TACR1: variants seen among roughly 807,000 people sequenced by gnomAD.
TACR1 encodes the protein tachykinin receptor 1, also known as substance-P receptor.
A neutral mutation model predicts 35.8 loss-of-function variants in TACR1; 25 were observed. The observed-to-expected ratio is 0.70, with a 90% CI of 0.51 to 0.98. TACR1 has a LOEUF of 0.98. TACR1 is among the 50% of genes least tolerant of loss of function. The probability of loss-of-function intolerance (pLI) is 0.00; values close to 1 mark genes in which losing one functional copy is unlikely to be tolerated. For synonymous variants in TACR1, 195 were observed against 206.7 expected, an observed-to-expected ratio of 0.94 and a Z score of 0.48; for missense variants, 478 against 522.9, an observed-to-expected ratio of 0.91 and a Z score of 0.84.
In TACR1 at chr2:75,049,195, C is replaced by T. The variant is rs1012601898; in HGVS notation, c.*237G>A. 3 of 504,826 alleles carry T rather than the reference C, an allele frequency of 5.9e-6. No homozygotes were observed. The highest frequency in any genetic ancestry group is 3.1e-5 in the East Asian group (1 of 32,212). The allele number at this position is 504,826 out of a possible 1,614,324, so 31.3% of individuals were successfully genotyped here. A position where few individuals can be genotyped will look rare whatever the true frequency, so the allele number is the denominator to read the frequency against. ...AAAGCTGGTCCGACCTTTTATTTTACAGGCTCAGCAAAGTTCAGTGATTTG... is the reference window on the plus strand; with the variant it reads ...AAAGCTGGTCCGACCTTTTATTTTATAGGCTCAGCAAAGTTCAGTGATTTG... On this transcript the variant is annotated 3_prime_UTR_variant, in exon 5 of 5. Coordinates refer to ENST00000305249, the MANE Select transcript of TACR1 (RefSeq NM_001058.4).
chr2:75,084,665 T>A (rs1248356983), intron 2 of TACR1, among the ~76,000 whole-genome samples: 1 of 152,200 alleles, frequency 6.6e-6, no homozygotes, highest in Non-Finnish European at 1.5e-5. Context: ...GGAGGGTGTA[T>A]GTGTCGAGGA....
rs202020333 is a variant in TACR1, at chr2:75,199,089, C to A, written c.-155G>T. 5.0e-5 allele frequency: 46 copies of A among 924,352 alleles called. No individual in the cohort carries two copies. The highest frequency in any genetic ancestry group is 6.5e-5 in the Non-Finnish European group (41 of 626,506). The allele number at this position is 924,352 out of a possible 1,614,324, so 57.3% of individuals were successfully genotyped here. A position where few individuals can be genotyped will look rare whatever the true frequency, so the allele number is the denominator to read the frequency against. ...GCACTCTTTTTGAAAGCTGAACTGG[C>A]GCTCAGAATATAAACGCTTCTGGAT... On this transcript the variant is annotated 5_prime_UTR_variant, in exon 1 of 5. Transcript: ENST00000305249.
At chr2:75,111,689 C>T (rs377273647) in intron 2 of TACR1, among the ~76,000 whole-genome samples, 1 of 151,846 alleles carries the variant, frequency 6.6e-6, no homozygotes, top group Non-Finnish European at 1.5e-5. Flanking sequence ...AGATTGTTAA[C>T]AGAAAAAGTC....
intron 1 of TACR1, among the ~76,000 whole-genome samples, chr2:75,150,771 G>C (rs1674652120): frequency 2.0e-5 from 3 of 152,218 alleles, no homozygotes; most frequent in South Asian, 4.1e-4. Context: ...AATAGTTTGG[G>C]AGGGCTCAGA....
At chr2:75,117,269 T>G (rs1673885263) in intron 2 of TACR1, among the ~76,000 whole-genome samples, 1 of 152,212 alleles carries the variant, frequency 6.6e-6, no homozygotes, top group Non-Finnish European at 1.5e-5. Flanking sequence ...TTAACTGTAT[T>G]TGCAAACGTT....
At chr2:75,156,490 C>G (rs1315543340) in intron 1 of TACR1, among the ~76,000 whole-genome samples, 1 of 150,216 alleles carries the variant, frequency 6.7e-6, no homozygotes, top group African/African-American at 2.4e-5. Context: ...GTGGTCCCAG[C>G]TACTCAGGAG....
At chr2:75,142,730 G>A (rs1674434143) in intron 1 of TACR1, among the ~76,000 whole-genome samples, 2 of 152,124 alleles carry the variant, frequency 1.3e-5, no homozygotes, top group Non-Finnish European at 2.9e-5. Flanking sequence ...GTTACCAGAG[G>A]AGAGGGCAAT....
intron 4 of TACR1, among the ~76,000 whole-genome samples, chr2:75,050,824 G>A (rs547403096): frequency 1.3e-5 from 2 of 152,318 alleles, no homozygotes; most frequent in Admixed American, 6.5e-5. Flanking sequence ...GCTCTGTGGG[G>A]GGATGAAATT....
intron 2 of TACR1, among the ~76,000 whole-genome samples, chr2:75,117,249 A>G (rs1195530717): frequency 6.6e-6 from 1 of 152,184 alleles, no homozygotes; most frequent in African/African-American, 2.4e-5. Context: ...ATGTTTTAGT[A>G]AACGTTAGTT....
chr2:75,047,580 G>A lies in TACR1; in HGVS notation c.*1852C>T, dbSNP rs1672388473. On this transcript the variant is annotated 3_prime_UTR_variant, in exon 5 of 5. Transcript: ENST00000305249. ...AGCTCTTTACATTCTTCCAAAGTGA[G>A]TAATCCATACACAGCAAGATTCTCT... The A allele has an allele frequency of 6.6e-6, 1 of 152,216 alleles. No individual in the cohort carries two copies. Among genetic ancestry groups the A allele is most frequent in the Non-Finnish European group, 1.5e-5 (1 of 68,042 alleles). The allele number at this position is 152,216 out of a possible 1,614,324, so 9.4% of individuals were successfully genotyped here.
At chr2:75,069,302 ATATATG>A (rs1488247007) in intron 2 of TACR1, among the ~76,000 whole-genome samples, 1 of 139,956 alleles carries the variant, frequency 7.1e-6, no homozygotes, top group African/African-American at 2.9e-5. Flanking sequence ...GTATATACAT[ATATATG>A]TATATGTATA....
At chr2:75,082,771 T>G (rs533222401) in intron 2 of TACR1, among the ~76,000 whole-genome samples, 85 of 152,318 alleles carry the variant, frequency 5.6e-4, no homozygotes, top group African/African-American at 1.9e-3. Flanking sequence ...TTGATGGGGT[T>G]GTTTGTTTTT....
In TACR1 at chr2:75,051,334, G is replaced by T. The variant is rs1218760639; in HGVS notation, c.849C>A (p.Ile283=). 4 of 1,614,112 alleles carry T rather than the reference G, an allele frequency of 2.5e-6. No homozygotes were observed. Among genetic ancestry groups the T allele is most frequent in the Non-Finnish European group, 3.4e-6 (4 of 1,180,044 alleles). The change falls in exon 4 of 5, where the codon ATC becomes ATA. Residue 283 remains isoleucine, a synonymous_variant. Coordinates refer to ENST00000305249, the MANE Select transcript of TACR1 (RefSeq NM_001058.4). ...ACATGATGGCCAGGTAGACCTGCTG[G>T]ATAAACTTCTTCAGGTAGAGATCTG... ...INPDLYLKKF[I]QQVYLAIMWL...
intron 1 of TACR1, among the ~76,000 whole-genome samples, chr2:75,175,156 G>T (rs72920668): frequency 0.034 from 5,216 of 152,194 alleles, 318 homozygotes; most frequent in African/African-American, 0.12. Flanking sequence ...TTGCAAATTG[G>T]ATATTTGTGG....
At position 75,068,790 on chromosome 2, in the gene TACR1, T is replaced by A. The variant is rs574817876; in HGVS notation, c.585-15035A>T. Among the ~76,000 whole-genome samples the A allele has an allele frequency of 2.3e-3, 344 of 152,310 alleles. 1 individual carries two copies. The highest frequency in any genetic ancestry group is 3.8e-3 in the Non-Finnish European group (261 of 68,032). On this transcript the variant is annotated intron_variant, in intron 2 of 4. Transcript: ENST00000305249. The stretch of plus-strand genomic sequence containing the variant: ...TTGAGTTGTGCAATCCACTTGACCC[T>A]GAGAGACAGTTTAAGTAACTGGCCC...
At chr2:75,183,507 G>T (rs1332159004) in intron 1 of TACR1, among the ~76,000 whole-genome samples, 1 of 152,146 alleles carries the variant, frequency 6.6e-6, no homozygotes, top group African/African-American at 2.4e-5. Flanking sequence ...GCTATACTGT[G>T]CTTATCTGTT....
intron 1 of TACR1, among the ~76,000 whole-genome samples, chr2:75,152,850 G>A (rs1277321930): frequency 6.6e-6 from 1 of 152,152 alleles, no homozygotes; most frequent in Non-Finnish European, 1.5e-5. Context: ...CTAGTGGGTG[G>A]ATCAAAGGCT....
rs1676073263 is a variant in TACR1 at position 75,199,273 on chromosome 2, G to C, written c.-339C>G. On this transcript the variant is annotated 5_prime_UTR_variant, in exon 1 of 5. Coordinates refer to ENST00000305249, the MANE Select transcript of TACR1 (RefSeq NM_001058.4). ...AGTTCTAGGAAGCAAGAGATCCCCC[G>C]CATTTATGCACCTGCTGCTGCCTGC... The C allele has an allele frequency of 3.9e-6, 1 of 256,824 alleles. No homozygotes were observed. The allele number at this position is 256,824 out of a possible 1,614,324, so 15.9% of individuals were successfully genotyped here.
rs765041152 is a variant in TACR1 at position 75,198,918 on chromosome 2, G to A, written c.17C>T (p.Pro6Leu). Residue 6 changes from proline to leucine, a missense_variant, in exon 1 of 5, where the codon CCG becomes CTG. Physicochemically the swap from Pro to Leu is moderately conservative, Grantham distance 98 (BLOSUM62 -3). Coordinates refer to ENST00000305249, the MANE Select transcript of TACR1 (RefSeq NM_001058.4). MDNVLPVDSDLSPNIS... is the reference protein window; with the variant it reads MDNVLLVDSDLSPNIS... ...GTTTGGGGAGAGGTCTGAGTCCACC[G>A]GGAGGACGTTATCCATTTCGAAGCT... 4 of 1,613,412 alleles carry A rather than the reference G, an allele frequency of 2.5e-6. No homozygotes were observed. Among genetic ancestry groups the A allele is most frequent in the East Asian group, 2.2e-5 (1 of 44,860 alleles).
Sources: allele counts gnomAD v4.1 joint callset (sites outside exome capture counted in the v4.1 genomes callset), GRCh38; gene constraint gnomAD v4.1.1; transcripts MANE v1.5; gene names NCBI Gene and HGNC (gene_info 2026-07-23, HGNC 2026-07-21).